Variants in DNAH8 observed in about 807,000 individuals in gnomAD.
The protein encoded by DNAH8 is dynein axonemal heavy chain 8, also known as axonemal beta dynein heavy chain 8.
In DNAH8, 382 loss-of-function variants were observed where a neutral mutation model predicts 562.1. The ratio of observed to expected loss-of-function variants is 0.68; its 90% CI spans 0.63 to 0.74. The LOEUF (loss-of-function observed/expected upper bound fraction) is 0.74. DNAH8 is among the 30% of genes least tolerant of loss of function. The pLI is 0.00. For missense variants in DNAH8, 5,203 were observed against 5,620.4 expected (o/e 0.93, Z 2.37); for synonymous variants, 1,881 against 1,919.4 (o/e 0.98, Z 0.52).
chr6:38,808,196 T>A (rs1334351344), intron 24 of DNAH8, among the ~76,000 whole-genome samples: 6 of 152,152 alleles, frequency 3.9e-5, no homozygotes, highest in Non-Finnish European at 4.4e-5. Flanking sequence ...GTTGCTTCAG[T>A]TTTTGCTATC....
At chr6:38,880,927 C>G (rs1778428438) in intron 53 of DNAH8, among the ~76,000 whole-genome samples, 1 of 152,134 alleles carries the variant, frequency 6.6e-6, no homozygotes. Flanking sequence ...ACTCAGGAGG[C>G]TGAGGCAGGA....
chr6:38,824,799 ATAT>A (rs1159313985), intron 28 of DNAH8, among the ~76,000 whole-genome samples: 1 of 152,006 alleles, frequency 6.6e-6, no homozygotes, highest in African/African-American at 2.4e-5. Context: ...TAAATATTAA[ATAT>A]TATTATTATA....
intron 74 of DNAH8, among the ~76,000 whole-genome samples, chr6:38,927,666 C>T (rs767566751): frequency 6.6e-6 from 1 of 152,112 alleles, no homozygotes; most frequent in African/African-American, 2.4e-5. Flanking sequence ...TCTCCCTGCT[C>T]ATCTTATTCT....
At chr6:38,780,215 G>A (rs1768448754) in intron 15 of DNAH8, 150 bp downstream of exon 15, 1 of 745,062 alleles carries the variant, frequency 1.3e-6, no homozygotes, top group African/African-American at 1.8e-5. Flanking sequence ...GTGGGAAGGT[G>A]CTTGACAGTG....
At chr6:38,934,385 G>A (rs939652673) in intron 76 of DNAH8, among the ~76,000 whole-genome samples, 6 of 151,174 alleles carry the variant, frequency 4.0e-5, no homozygotes, top group Admixed American at 6.6e-5. Flanking sequence ...CAAAAAACAC[G>A]CACAGAAAAA....
rs1424491263 is a variant in DNAH8, at chr6:38,715,958, ATATTT to A, written c.-35+545_-35+549del. 5.2e-3 allele frequency among the ~76,000 whole-genome samples: 160 copies of A among 31,002 alleles called. 2 individuals are homozygous for A. The highest frequency in any genetic ancestry group is 0.029 in the Middle Eastern group (1 of 34). The allele number at this position is 31,002 out of a possible 152,430, so 20.3% of individuals were successfully genotyped here. A position where few individuals can be genotyped will look rare whatever the true frequency, so the allele number is the denominator to read the frequency against. On this transcript the variant is annotated intron_variant, in intron 1 of 92. Coordinates refer to ENST00000327475, the MANE Select transcript of DNAH8 (RefSeq NM_001206927.2). ...TATATATATATATATATATATATAT[ATATTT>A]TTTTTTTTTTTTTGAGACGGAGTCT...
rs542048826 is a variant in DNAH8 at position 39,030,543 on chromosome 6, T to A, written c.*151T>A. 1.3e-5 allele frequency: 8 copies of A among 624,906 alleles called. No homozygotes were observed. The highest frequency in any genetic ancestry group is 1.6e-5 in the Non-Finnish European group (6 of 365,636). The allele number at this position is 624,906 out of a possible 1,614,324, so 38.7% of individuals were successfully genotyped here. On this transcript the variant is annotated 3_prime_UTR_variant, in exon 93 of 93. Coordinates refer to ENST00000327475, the MANE Select transcript of DNAH8 (RefSeq NM_001206927.2). ...GATGTTCTAAAATTGCTAGTGCGTG[T>A]GTGTTTTCCTCACATATCAATATTC...
chr6:38,820,781 A>G (rs1019722072), intron 26 of DNAH8, among the ~76,000 whole-genome samples: 1 of 152,330 alleles, frequency 6.6e-6, no homozygotes, highest in East Asian at 1.9e-4. Flanking sequence ...CTCAATAGAC[A>G]TAGAAAAAAT....
intron 88 of DNAH8, among the ~76,000 whole-genome samples, chr6:39,008,240 T>C (rs912167338): frequency 2.0e-5 from 3 of 152,058 alleles, no homozygotes; most frequent in African/African-American, 4.8e-5. Flanking sequence ...TAAATCTTTA[T>C]TGAATAAATG....
intron 88 of DNAH8, among the ~76,000 whole-genome samples, chr6:39,003,670 C>T (rs865861831): frequency 3.3e-5 from 5 of 152,144 alleles, no homozygotes; most frequent in Admixed American, 2.0e-4. Flanking sequence ...AATGACACCT[C>T]GCATGATCAA....
intron 58 of DNAH8, among the ~76,000 whole-genome samples, chr6:38,891,386 G>A (rs537301831): frequency 6.6e-6 from 1 of 152,332 alleles, no homozygotes; most frequent in African/African-American, 2.4e-5. Context: ...TTGACAAAAA[G>A]CCATGAAGGA....
Position 38,781,282 on chromosome 6 carries a change from C to G in DNAH8, c.2168C>G (p.Pro723Arg). Residue 723 changes from proline to arginine, a missense_variant, in exon 16 of 93, where the codon CCT becomes CGT. Transcript: ENST00000327475. ...TATCATTCTCAGAAAGATGACCCCC[C>G]TCTTGCTCGCAACATGCCCCCTATA... ...KLYHSQKDDP[P>R]LARNMPPIAG... The G allele has an allele frequency of 1.2e-6, 2 of 1,613,754 alleles. No homozygotes were observed. The highest frequency in any genetic ancestry group is 1.7e-6 in the Non-Finnish European group (2 of 1,179,836).
At chr6:38,924,298 G>T (rs913632280) in intron 73 of DNAH8, 136 bp downstream of exon 73, 1 of 778,314 alleles carries the variant, frequency 1.3e-6, no homozygotes, top group Non-Finnish European at 2.0e-6. Context: ...AGATCATGAG[G>T]TCAGGAGTTC....
At chr6:38,752,676 G>A (rs2127597093) in intron 9 of DNAH8, among the ~76,000 whole-genome samples, 1 of 152,256 alleles carries the variant, frequency 6.6e-6, no homozygotes, top group South Asian at 2.1e-4. Flanking sequence ...AGAAGGAGGT[G>A]TAAAGGCAGT....
intron 18 of DNAH8, among the ~76,000 whole-genome samples, chr6:38,789,556 G>A (rs1769501902): frequency 6.6e-6 from 1 of 152,154 alleles, no homozygotes; most frequent in South Asian, 2.1e-4. Context: ...TATACATCTA[G>A]AAAGACAAGT....
chr6:38,924,271 G>A, intron 73 of DNAH8, 109 bp downstream of exon 73: 1 of 1,080,728 alleles, frequency 9.3e-7, no homozygotes, highest in Admixed American at 2.2e-5. Context: ...CCAGCACTTT[G>A]GGAGGCTGAG....
intron 5 of DNAH8, among the ~76,000 whole-genome samples, chr6:38,735,417 C>T (rs1202181899): frequency 6.6e-6 from 1 of 152,030 alleles, no homozygotes; most frequent in East Asian, 1.9e-4. Context: ...TTTCCCTGAC[C>T]CCTTGTAAAT....
At chr6:38,858,716 T>C (rs149284473) in intron 42 of DNAH8, among the ~76,000 whole-genome samples, 1 of 152,374 alleles carries the variant, frequency 6.6e-6, no homozygotes, top group East Asian at 1.9e-4. Context: ...ATCTCTGGAT[T>C]AAGCTACTAT....
intron 60 of DNAH8, among the ~76,000 whole-genome samples, chr6:38,896,597 A>G (rs1779706272): frequency 6.6e-6 from 1 of 151,550 alleles, no homozygotes; most frequent in Non-Finnish European, 1.5e-5. Context: ...AAACAAACAA[A>G]CAAACAAACA....
Sources: allele counts gnomAD v4.1 joint callset (sites outside exome capture counted in the v4.1 genomes callset), GRCh38; gene constraint gnomAD v4.1.1; transcripts MANE v1.5; gene names NCBI Gene and HGNC (gene_info 2026-07-23, HGNC 2026-07-21).